The following MICAL3 variants were observed in gnomAD, a reference collection of about 807,000 sequenced individuals.
MICAL3 encodes [F-actin]-monooxygenase MICAL3.
MICAL3 carries 62 observed loss-of-function variants against 207.4 expected under a neutral mutation model. The observed-to-expected ratio is 0.30, with a 90% confidence interval of 0.24 to 0.37. MICAL3 has a LOEUF of 0.37. Ranked by LOEUF, MICAL3 falls within the 10% of genes least tolerant of loss-of-function variation. The probability of loss-of-function intolerance (pLI) is 1.00; values close to 1 mark genes in which losing one functional copy is unlikely to be tolerated. For synonymous variants in MICAL3, 1,077 were observed against 1,069.3 expected, an observed-to-expected ratio of 1.01 and a Z score of -0.14; for missense variants, 2,368 against 2,635.6, an observed-to-expected ratio of 0.90 and a Z score of 2.22.
At chr22:17,852,148 C>G (rs575091188) in intron 19 of MICAL3, among the ~76,000 whole-genome samples, 1 of 152,196 alleles carries the variant, frequency 6.6e-6, no homozygotes, top group Non-Finnish European at 1.5e-5. Flanking sequence ...GACAAACCCA[C>G]GTTCCAACAA....
chr22:17,820,656 A>T (rs1357032720), intron 25 of MICAL3, among the ~76,000 whole-genome samples: 5 of 152,096 alleles, frequency 3.3e-5, no homozygotes, highest in Non-Finnish European at 7.4e-5. Flanking sequence ...GCCTGGCCAG[A>T]TGTTGTAAAT....
chr22:17,834,246 T>C, intron 20 of MICAL3: 1 of 1,089,558 alleles, frequency 9.2e-7, no homozygotes, highest in South Asian at 2.1e-5. Context: ...ATTCACTCGG[T>C]GAACATTTCT....
Position 17,810,800 on chromosome 22 carries a change from G to T in MICAL3, c.5459C>A (p.Thr1820Lys). ...CAGCTTGGCATTCAGTTCCTCCTCC[G>T]TGTAGGTTCTTGGCTGGAGAGAACA... ...QKSRREPRTYTEEELNAKLTR... is the reference protein window; with the variant it reads ...QKSRREPRTYKEEELNAKLTR... The change falls in exon 28 of 32, where the codon ACG becomes AAG. Residue 1820 changes from threonine (T) to lysine (K), a missense_variant. By Grantham distance (78) the Thr-to-Lys change is moderately conservative. Transcript: ENST00000441493. The T allele has an allele frequency of 1.2e-6, 2 of 1,613,746 alleles. No homozygotes were observed. Among genetic ancestry groups the T allele is most frequent in the Non-Finnish European group, 1.7e-6 (2 of 1,179,710 alleles).
At chr22:17,968,490 C>A (rs1268014632) in intron 1 of MICAL3, among the ~76,000 whole-genome samples, 2 of 152,202 alleles carry the variant, frequency 1.3e-5, no homozygotes, top group Non-Finnish European at 2.9e-5. Context: ...CTCGGGCAAG[C>A]TTCCTCAGGC....
intron 1 of MICAL3, among the ~76,000 whole-genome samples, chr22:17,947,893 C>T (rs1161103544): frequency 2.6e-5 from 4 of 152,090 alleles, no homozygotes; most frequent in African/African-American, 9.7e-5. Flanking sequence ...CTTCAAACCG[C>T]TTCAAATACA....
intron 1 of MICAL3, among the ~76,000 whole-genome samples, chr22:17,988,215 C>T (rs1303394105): frequency 6.6e-6 from 1 of 152,240 alleles, no homozygotes; most frequent in African/African-American, 2.4e-5. Context: ...TGGAAAGGCA[C>T]CTACCCAGCA....
intron 1 of MICAL3, among the ~76,000 whole-genome samples, chr22:17,940,012 CCTG>C (rs1173005382): frequency 2.6e-5 from 4 of 152,196 alleles, no homozygotes; most frequent in Non-Finnish European, 5.9e-5. Flanking sequence ...AGCCGGCAGT[CCTG>C]TACCACTCCT....
At chr22:17,877,252 GGGAGGTTAGGGAAGTTATGGAGGTT>G (rs1928742257) in intron 16 of MICAL3, among the ~76,000 whole-genome samples, 1 of 18,330 alleles carries the variant, frequency 5.5e-5, no homozygotes, top group Admixed American at 5.6e-4. Context: ...AGGGAGGTTA[GGGAGGTTAGGGAAGTTATGGAGGTT>G]AGGGAGGTTA....
rs1922877195 is a variant in MICAL3 at position 17,832,201 on chromosome 22, G to A, written c.2802-94C>T. ...CCACCATCAGAAACAATGCATGTCA[G>A]GCAAAGCAGCTGCTGAGCAGGCGGA... On this transcript the variant is annotated intron_variant, in intron 20 of 31. Coordinates refer to ENST00000441493, the MANE Select transcript of MICAL3 (RefSeq NM_015241.3). 33 of 1,448,532 alleles carry A rather than the reference G, an allele frequency of 2.3e-5. No individual in the cohort carries two copies. The South Asian group carries it at 4.0e-4, about 18-fold the overall frequency. 89.7% of individuals were successfully genotyped at this position (1,448,532 alleles called of 1,614,324 possible). A position where few individuals can be genotyped will look rare whatever the true frequency, so the allele number is the denominator to read the frequency against.
Position 17,818,345 on chromosome 22 carries a change from G to A in MICAL3, c.4316C>T (p.Thr1439Ile). The change falls in exon 26 of 32, where the codon ACA becomes ATA. Residue 1439 changes from threonine to isoleucine, a missense_variant. Transcript: ENST00000441493. ...GLHGSSSNMK[T>I]LGSQSFNTSD... ...GGTGTTGAAGCTCTGGCTGCCCAGT[G>A]TCTTCATGTTGGAGGAGCTCCCGTG... 1 of 1,594,684 alleles carries A rather than the reference G, an allele frequency of 6.3e-7. No homozygotes were observed. The highest frequency in any genetic ancestry group is 1.1e-5 in the South Asian group (1 of 90,004).
chr22:17,802,556 G>A (rs938264215), intron 29 of MICAL3, among the ~76,000 whole-genome samples: 2 of 148,698 alleles, frequency 1.3e-5, no homozygotes, highest in African/African-American at 2.6e-5. Flanking sequence ...AAGGGCGTGG[G>A]TCCGTGGGAG....
chr22:17,877,314 AGGGAGG>A (rs1928778001), intron 16 of MICAL3, among the ~76,000 whole-genome samples: 2 of 122,874 alleles, frequency 1.6e-5, no homozygotes, highest in Non-Finnish European at 3.2e-5. Context: ...TATGGAGGTT[AGGGAGG>A]TTAGGGAGGT....
chr22:17,861,435 T>G, intron 19 of MICAL3: 2 of 985,488 alleles, frequency 2.0e-6, no homozygotes, highest in Non-Finnish European at 2.4e-6. Flanking sequence ...AACCCGGTGA[T>G]GAGCACTCGG....
intron 27 of MICAL3, among the ~76,000 whole-genome samples, chr22:17,811,820 C>G (rs892240673): frequency 6.6e-6 from 1 of 152,206 alleles, no homozygotes. Context: ...TCATGGCTCA[C>G]TGCAGCTTCA....
intron 19 of MICAL3, among the ~76,000 whole-genome samples, chr22:17,858,715 A>C (rs1275424182): frequency 3.3e-5 from 5 of 152,198 alleles, no homozygotes; most frequent in African/African-American, 1.2e-4. Context: ...GATTTCAAGA[A>C]GTTTCAGAAG....
At chr22:17,946,118 G>C (rs558780751) in intron 1 of MICAL3, among the ~76,000 whole-genome samples, 19 of 152,318 alleles carry the variant, frequency 1.2e-4, no homozygotes, top group Middle Eastern at 3.4e-3. Flanking sequence ...TCAAGTCCTT[G>C]GCTGGGTATT....
intron 19 of MICAL3, chr22:17,861,780 G>A (rs1245762622): frequency 4.1e-6 from 4 of 985,010 alleles, no homozygotes; most frequent in Non-Finnish European, 4.8e-6. Flanking sequence ...TATATTAAAA[G>A]CACATTACAA....
At chr22:17,894,028 G>C (rs555110844) in intron 10 of MICAL3, 124 bp from the exon 11 acceptor site, 3 of 687,664 alleles carry the variant, frequency 4.4e-6, no homozygotes, top group Non-Finnish European at 7.6e-6. Flanking sequence ...TCAGACAGAA[G>C]TTAGGATGAT....
In MICAL3 at chr22:17,895,451, C is replaced by T. The variant is rs761757420; in HGVS notation, c.1323-41G>A. 7 of 1,607,904 alleles carry T rather than the reference C, an allele frequency of 4.4e-6. No individual in the cohort carries two copies. The East Asian group carries it at 1.6e-4, about 36-fold the overall frequency. ...AATATACTCAGAATCGGGACCAGCA[C>T]CATGAACATCTCCCTCTCGTTTCAT... On this transcript the variant is annotated intron_variant, in intron 9 of 31. Coordinates refer to ENST00000441493, the MANE Select transcript of MICAL3 (RefSeq NM_015241.3).
Sources: allele counts gnomAD v4.1 joint callset (sites outside exome capture counted in the v4.1 genomes callset), GRCh38; gene constraint gnomAD v4.1.1; transcripts MANE v1.5; gene names NCBI Gene and HGNC (gene_info 2026-07-23, HGNC 2026-07-21).